MOB1B: variants seen among roughly 807,000 people sequenced by gnomAD.
MOB1B encodes the protein MOB kinase activator 1B.
A neutral mutation model predicts 24.4 loss-of-function variants in MOB1B; 19 were observed. That is an observed-to-expected ratio of 0.78 (90% CI 0.54 to 1.14). MOB1B has a LOEUF of 1.14. MOB1B is among the 50% of genes most tolerant of loss of function. The pLI is 0.00. For synonymous variants in MOB1B, 76 were observed against 82.1 expected (o/e 0.93, Z 0.40); for missense variants, 243 against 259.6 (o/e 0.94, Z 0.44).
At chr4:70,914,663 G>C (rs982712960) in intron 1 of MOB1B, among the ~76,000 whole-genome samples, 1 of 152,196 alleles carries the variant, frequency 6.6e-6, no homozygotes, top group African/African-American at 2.4e-5. Context: ...TTGCAAGTCA[G>C]TGGCACAGGG....
chr4:70,930,852 A>T (rs1736863232), intron 1 of MOB1B, among the ~76,000 whole-genome samples: 1 of 151,950 alleles, frequency 6.6e-6, no homozygotes, highest in Admixed American at 6.6e-5. Flanking sequence ...GTCGAAACCC[A>T]TTCTAGGTAT....
intron 4 of MOB1B, among the ~76,000 whole-genome samples, chr4:70,977,211 TTTGTTTTATTTG>T (rs1739043329): frequency 1.3e-5 from 2 of 152,330 alleles, no homozygotes; most frequent in East Asian, 3.9e-4. Flanking sequence ...ATCTTTTATA[TTTGTTTTATTTG>T]TTGTCTCTTT....
Position 70,912,103 on chromosome 4 carries a change from GC to G in MOB1B, c.14+9555del, listed in dbSNP as rs764086673. Among the ~76,000 whole-genome samples, 36 of 151,898 alleles carry G rather than the reference GC, an allele frequency of 2.4e-4. 1 individual carries two copies. Among genetic ancestry groups the G allele is most frequent in the East Asian group, 2.1e-3 (11 of 5,142 alleles). On this transcript the variant is annotated intron_variant, in intron 1 of 5. Transcript: ENST00000309395. Reference sequence around the variant, plus strand: ...GTAGAGACAGGGTTTCACCATGTAGGCCAGGCTGGTCTTGAACTCCTGGTCT... The same window carrying G: ...GTAGAGACAGGGTTTCACCATGTAGGCAGGCTGGTCTTGAACTCCTGGTCT...
At chr4:70,926,654 GT>G (rs1736666473) in intron 1 of MOB1B, among the ~76,000 whole-genome samples, 1 of 152,292 alleles carries the variant, frequency 6.6e-6, no homozygotes, top group Admixed American at 6.5e-5. Flanking sequence ...CCTCCTGTGT[GT>G]AAAAGCGAAG....
intron 1 of MOB1B, among the ~76,000 whole-genome samples, chr4:70,910,414 C>T (rs746427654): frequency 4.0e-5 from 6 of 150,944 alleles, no homozygotes; most frequent in Non-Finnish European, 2.9e-5. Flanking sequence ...CATACACATG[C>T]GTGTATATAC....
chr4:70,914,566 G>A (rs1250429721), intron 1 of MOB1B, among the ~76,000 whole-genome samples: 1 of 152,168 alleles, frequency 6.6e-6, no homozygotes, highest in Non-Finnish European at 1.5e-5. Flanking sequence ...TCATTGGACA[G>A]TACTAAAAAA....
intron 1 of MOB1B, among the ~76,000 whole-genome samples, chr4:70,944,751 C>A (rs969430344): frequency 6.6e-6 from 1 of 151,874 alleles, no homozygotes; most frequent in Non-Finnish European, 1.5e-5. Flanking sequence ...CAGTATGAGA[C>A]AGAGGAAGTA....
chr4:70,920,298 C>T (rs1160540258), intron 1 of MOB1B, among the ~76,000 whole-genome samples: 3 of 152,172 alleles, frequency 2.0e-5, no homozygotes, highest in Admixed American at 2.0e-4. Flanking sequence ...TCACTCTCCG[C>T]TCACTGCACC....
chr4:70,927,019 A>G (rs1358088351), intron 1 of MOB1B, among the ~76,000 whole-genome samples: 2 of 151,870 alleles, frequency 1.3e-5, no homozygotes, highest in Admixed American at 6.6e-5. Flanking sequence ...AAAAAAAAGA[A>G]ATAAGATGCG....
At chr4:70,960,787 G>A (rs1394474570) in intron 2 of MOB1B, among the ~76,000 whole-genome samples, 1 of 152,170 alleles carries the variant, frequency 6.6e-6, no homozygotes, top group Non-Finnish European at 1.5e-5. Flanking sequence ...CAATATATGT[G>A]TACGTTCTTT....
intron 1 of MOB1B, among the ~76,000 whole-genome samples, chr4:70,922,785 C>G (rs1383589452): frequency 6.6e-6 from 1 of 152,140 alleles, no homozygotes; most frequent in Non-Finnish European, 1.5e-5. Context: ...TATGAGCACT[C>G]TTACTTATAA....
intron 1 of MOB1B, among the ~76,000 whole-genome samples, chr4:70,914,735 G>A (rs1476126971): frequency 6.6e-6 from 1 of 152,082 alleles, no homozygotes; most frequent in Non-Finnish European, 1.5e-5. Context: ...CCTGACTTTT[G>A]TCATTCTCAG....
intron 1 of MOB1B, among the ~76,000 whole-genome samples, chr4:70,932,981 T>C (rs1357124334): frequency 2.0e-5 from 3 of 152,202 alleles, no homozygotes; most frequent in African/African-American, 7.2e-5. Context: ...GTTCTCATAC[T>C]GCTGTGAACA....
rs947537432 is a variant in MOB1B, at chr4:70,958,605, T to C, written c.15-269T>C. On this transcript the variant is annotated intron_variant, in intron 1 of 5. Coordinates refer to ENST00000309395, the MANE Select transcript of MOB1B (RefSeq NM_173468.4). The stretch of plus-strand genomic sequence containing the variant: ...TAGAATAGGAGTGAAAGGAATACAA[T>C]AACTAAAACATCATGGAAGTACTTT... The C allele has an allele frequency of 6.1e-6, 3 of 495,338 alleles. No homozygotes were observed. The Admixed American group carries it at 7.4e-5, about 12-fold the overall frequency. The allele number at this position is 495,338 out of a possible 1,614,324, so 30.7% of individuals were successfully genotyped here.
At position 70,902,630 on chromosome 4, in the gene MOB1B, G is replaced by T. The variant is rs538179802; in HGVS notation, c.14+80G>T. Reference sequence around the variant, plus strand: ...GCCCGCCGCCCGCCGCCCGTCGCCCGCCCTCGTCCCGACCCTCCTGGCCCA... The same window carrying T: ...GCCCGCCGCCCGCCGCCCGTCGCCCTCCCTCGTCCCGACCCTCCTGGCCCA... On this transcript the variant is annotated intron_variant, in intron 1 of 5. Transcript: ENST00000309395. 1.8e-5 allele frequency: 21 copies of T among 1,166,880 alleles called. 1 individual carries two copies. The South Asian group carries it at 2.7e-4, about 15-fold the overall frequency. The allele number at this position is 1,166,880 out of a possible 1,614,324, so 72.3% of individuals were successfully genotyped here. A position where few individuals can be genotyped will look rare whatever the true frequency, so the allele number is the denominator to read the frequency against.
At chr4:70,926,804 G>A (rs10008138) in intron 1 of MOB1B, among the ~76,000 whole-genome samples, 3,085 of 151,830 alleles carry the variant, frequency 0.02, 93 homozygotes, top group African/African-American at 0.069. Context: ...AGACCATCCT[G>A]GCTAACACGG....
chr4:70,942,174 A>G (rs533588083), intron 1 of MOB1B, among the ~76,000 whole-genome samples: 2 of 152,248 alleles, frequency 1.3e-5, no homozygotes, highest in African/African-American at 2.4e-5. Context: ...AGAAGCAAAC[A>G]CTCAAATCAG....
intron 1 of MOB1B, among the ~76,000 whole-genome samples, chr4:70,937,131 A>G (rs992213603): frequency 1.3e-5 from 2 of 152,028 alleles, no homozygotes; most frequent in Non-Finnish European, 2.9e-5. Context: ...TTGGCTAGGC[A>G]GATCTCAAAC....
intron 1 of MOB1B, among the ~76,000 whole-genome samples, chr4:70,910,706 G>A (rs1371584710): frequency 1.3e-5 from 2 of 151,824 alleles, no homozygotes; most frequent in African/African-American, 4.8e-5. Flanking sequence ...AATCATGTTA[G>A]GAAAAGGAAG....
Sources: allele counts gnomAD v4.1 joint callset (sites outside exome capture counted in the v4.1 genomes callset), GRCh38; gene constraint gnomAD v4.1.1; transcripts MANE v1.5; gene names NCBI Gene and HGNC (gene_info 2026-07-23, HGNC 2026-07-21).